Variants in ACTL7A observed in about 807,000 individuals in gnomAD.
ACTL7A encodes actin-like protein 7A.
ACTL7A carries 27 observed loss-of-function variants against 30.3 expected under a neutral mutation model. The observed-to-expected ratio is 0.89, with a 90% confidence interval of 0.66 to 1.23. ACTL7A has a LOEUF of 1.23. Among genes scored for constraint, ACTL7A ranks in the 50% most tolerant of loss-of-function variants. The probability of loss-of-function intolerance (pLI) is 0.00; values close to 1 mark genes in which losing one functional copy is unlikely to be tolerated. For missense variants in ACTL7A, 566 were observed against 571.8 expected, an observed-to-expected ratio of 0.99 and a Z score of 0.10; for synonymous variants, 259 against 241.4, an observed-to-expected ratio of 1.07 and a Z score of -0.67.
rs1827203400 is a variant in ACTL7A at position 108,863,615 on chromosome 9, C to T, written c.1293C>T (p.Tyr431=). The T allele has an allele frequency of 6.2e-7, 1 of 1,608,710 alleles. No individual in the cohort carries two copies. The highest frequency in any genetic ancestry group is 1.7e-5 in the Admixed American group (1 of 59,718). Residue 431 remains tyrosine (Y), a synonymous_variant, in exon 1 of 1, where the codon TAC becomes TAT. Transcript: ENST00000333999. ...AGGAACACGGGCCTTTCTTCCTCTA[C>T]AGAAGGTGCTTCTGAACAGCGACGA... ...EYEEHGPFFL[Y]RRCF
chr9:108,862,582 G>T lies in ACTL7A; in HGVS notation c.260G>T (p.Gly87Val). The T allele has an allele frequency of 6.2e-7, 1 of 1,614,146 alleles. No homozygotes were observed. Among genetic ancestry groups the T allele is most frequent in the Non-Finnish European group, 8.5e-7 (1 of 1,180,028 alleles). Residue 87 changes from glycine to valine, a missense_variant, in exon 1 of 1, where the codon GGC becomes GTC. Coordinates refer to ENST00000333999, the MANE Select transcript of ACTL7A (RefSeq NM_006687.4). ...GTGYCKCGFA[G>V]LPRPTHKIST... ...GGCTACTGTAAATGTGGCTTTGCCGGCCTGCCAAGACCCACCCACAAGATC... is the reference window on the plus strand; with the variant it reads ...GGCTACTGTAAATGTGGCTTTGCCGTCCTGCCAAGACCCACCCACAAGATC...
chr9:108,863,230 T>A lies in ACTL7A; in HGVS notation c.908T>A (p.Leu303Gln). The change falls in exon 1 of 1, where the codon CTG becomes CAG. Residue 303 changes from leucine (L) to glutamine (Q), a missense_variant. By Grantham distance (113) the Leu-to-Gln change is moderately radical. Transcript: ENST00000333999. Reference sequence around the variant, plus strand: ...AGTGAGCATACGATCCGCTACGTGCTGCCGGATGGGAAGGAGATTCAGCTG... The same window carrying A: ...AGTGAGCATACGATCCGCTACGTGCAGCCGGATGGGAAGGAGATTCAGCTG... ...PLSEHTIRYV[L>Q]PDGKEIQLCQ... is the part of the protein sequence containing the mutation. The A allele has an allele frequency of 6.2e-7, 1 of 1,614,166 alleles. No individual in the cohort carries two copies. Among genetic ancestry groups the A allele is most frequent in the South Asian group, 1.1e-5 (1 of 91,086 alleles).
In ACTL7A at chr9:108,863,649, A is replaced by G. The variant is rs1827204579; in HGVS notation, c.*19A>G. The G allele has an allele frequency of 2.5e-6, 4 of 1,583,966 alleles. No individual in the cohort carries two copies. The highest frequency in any genetic ancestry group is 3.4e-6 in the Non-Finnish European group (4 of 1,163,418). ...CTTCTGAACAGCGACGAGGATGGAC[A>G]CTGCACTGGCAGTGCCTACCCTCGA... On this transcript the variant is annotated 3_prime_UTR_variant, in exon 1 of 1. Transcript: ENST00000333999.
rs1299604083 is a variant in ACTL7A, at chr9:108,862,408, A to G, written c.86A>G (p.Gln29Arg). 1.9e-6 allele frequency: 3 copies of G among 1,613,998 alleles called. No individual in the cohort carries two copies. Among genetic ancestry groups the G allele is most frequent in the Non-Finnish European group, 2.5e-6 (3 of 1,180,050 alleles). Reference protein sequence around the residue: ...NQAPLQTQALQTASLRDGPAK... With the variant: ...NQAPLQTQALRTASLRDGPAK... The stretch of plus-strand genomic sequence containing the variant: ...GCCCCCCTGCAGACACAGGCCCTCC[A>G]GACTGCCTCTTTAAGGGATGGCCCG... The change falls in exon 1 of 1, where the codon CAG (glutamine) becomes CGG (arginine). Residue 29 changes from glutamine to arginine, a missense_variant. Coordinates refer to ENST00000333999, the MANE Select transcript of ACTL7A (RefSeq NM_006687.4).
At position 108,863,075 on chromosome 9, in the gene ACTL7A, C is replaced by G; in HGVS notation, c.753C>G (p.Ala251=). 6.2e-7 allele frequency: 1 copy of G among 1,614,144 alleles called. No individual in the cohort carries two copies. Among genetic ancestry groups the G allele is most frequent in the Non-Finnish European group, 8.5e-7 (1 of 1,180,022 alleles). ...ACTACGCGGGCTCTGACCTGACAGCCTACCTGCTGGGCCTGCTGAACAGTG... is the reference window on the plus strand; with the variant it reads ...ACTACGCGGGCTCTGACCTGACAGCGTACCTGCTGGGCCTGCTGAACAGTG... The part of the protein sequence containing the change: ...RLDYAGSDLT[A]YLLGLLNSAG... The change falls in exon 1 of 1, where the codon GCC becomes GCG. Residue 251 remains alanine, a synonymous_variant. Coordinates refer to ENST00000333999, the MANE Select transcript of ACTL7A (RefSeq NM_006687.4).
In ACTL7A at chr9:108,863,104, G is replaced by A; in HGVS notation, c.782G>A (p.Gly261Glu). The A allele has an allele frequency of 1.9e-6, 3 of 1,614,096 alleles. No homozygotes were observed. The highest frequency in any genetic ancestry group is 2.5e-6 in the Non-Finnish European group (3 of 1,180,014). The change falls in exon 1 of 1, where the codon GGG (glycine) becomes GAG (glutamate). Residue 261 changes from glycine to glutamate, a missense_variant. Physicochemically the swap from Gly to Glu is moderately conservative, Grantham distance 98 (BLOSUM62 -2). Coordinates refer to ENST00000333999, the MANE Select transcript of ACTL7A (RefSeq NM_006687.4). ...AYLLGLLNSA[G>E]NEFTQDQMGI... Reference sequence around the variant, plus strand: ...CTGCTGGGCCTGCTGAACAGTGCGGGGAACGAATTCACCCAGGACCAGATG... The same window carrying A: ...CTGCTGGGCCTGCTGAACAGTGCGGAGAACGAATTCACCCAGGACCAGATG...
In ACTL7A at chr9:108,863,281, A is replaced by G; in HGVS notation, c.959A>G (p.Glu320Gly). 1 of 1,614,032 alleles carries G rather than the reference A, an allele frequency of 6.2e-7. No homozygotes were observed. The highest frequency in any genetic ancestry group is 1.1e-5 in the South Asian group (1 of 91,078). The change falls in exon 1 of 1, where the codon GAG (glutamate) becomes GGG (glycine). Residue 320 changes from glutamate to glycine, a missense_variant. Physicochemically the swap from Glu to Gly is moderately conservative, Grantham distance 98. Transcript: ENST00000333999. ...QLCQERFLCS[E>G]MFFKPSLIKS... ...TGCCAGGAACGGTTCCTCTGCTCGG[A>G]GATGTTCTTCAAGCCATCTCTCATC...
At position 108,863,205 on chromosome 9, in the gene ACTL7A, A is replaced by G. The variant is rs181434981; in HGVS notation, c.883A>G (p.Ser295Gly). 4 of 1,614,122 alleles carry G rather than the reference A, an allele frequency of 2.5e-6. No homozygotes were observed. Among genetic ancestry groups the G allele is most frequent in the Non-Finnish European group, 3.4e-6 (4 of 1,180,026 alleles). The change falls in exon 1 of 1, where the codon AGT becomes GGT. Residue 295 changes from serine to glycine, a missense_variant. By Grantham distance (56) the Ser-to-Gly change is moderately conservative (BLOSUM62 0). Transcript: ENST00000333999. Reference sequence around the variant, plus strand: ...CATTGAGGAGAAGAAAGTCCCTCTCAGTGAGCATACGATCCGCTACGTGCT... The same window carrying G: ...CATTGAGGAGAAGAAAGTCCCTCTCGGTGAGCATACGATCCGCTACGTGCT... ...DPIEEKKVPL[S>G]EHTIRYVLPD...
rs76316936 is a variant in ACTL7A, at chr9:108,863,482, C to T, written c.1160C>T (p.Pro387Leu). ...ELSSMCPNDT[P>L]QVNVLPERDS... ...AGCAGCATGTGTCCCAATGACACCC[C>T]GCAGGTAAACGTGCTGCCTGAAAGA... is the stretch of plus-strand genomic sequence containing the variant. Residue 387 changes from proline to leucine, a missense_variant, in exon 1 of 1, where the codon CCG (proline) becomes CTG (leucine). Transcript: ENST00000333999. The T allele has an allele frequency of 1.1e-4, 177 of 1,614,192 alleles. 1 individual carries two copies. The African/African-American group carries it at 2.1e-3, about 19-fold the overall frequency.
Position 108,862,674 on chromosome 9 carries a change from G to A in ACTL7A, c.352G>A (p.Val118Met), listed in dbSNP as rs143697931. The A allele has an allele frequency of 1.4e-4, 233 of 1,614,208 alleles. No homozygotes were observed. The highest frequency in any genetic ancestry group is 3.3e-4 in the Admixed American group (20 of 60,028). Residue 118 changes from valine to methionine, a missense_variant, in exon 1 of 1, where the codon GTG becomes ATG. Coordinates refer to ENST00000333999, the MANE Select transcript of ACTL7A (RefSeq NM_006687.4). ...KTGDNRKETFVGQELNNTNVH... is the reference protein window; with the variant it reads ...KTGDNRKETFMGQELNNTNVH... ...TGGGGATAATCGCAAGGAGACATTC[G>A]TGGGGCAGGAACTCAACAACACAAA...
Position 108,863,406 on chromosome 9 carries a change from G to A in ACTL7A, c.1084G>A (p.Gly362Arg), listed in dbSNP as rs779515458. Residue 362 changes from glycine to arginine, a missense_variant, in exon 1 of 1, where the codon GGG (glycine) becomes AGG (arginine). By Grantham distance (125) the Gly-to-Arg change is moderately radical. Coordinates refer to ENST00000333999, the MANE Select transcript of ACTL7A (RefSeq NM_006687.4). ...CCTCATGGGGAACATCCTGCTCTGC[G>A]GGGGCAGCACGATGCTCAGTGGCTT... Reference protein sequence around the residue: ...RDLMGNILLCGGSTMLSGFPN... With the variant: ...RDLMGNILLCRGSTMLSGFPN... 1.7e-5 allele frequency: 27 copies of A among 1,613,982 alleles called. No individual in the cohort carries two copies. Among genetic ancestry groups the A allele is most frequent in the Admixed American group, 3.3e-5 (2 of 60,006 alleles).
rs779544015 is a variant in ACTL7A at position 108,863,313 on chromosome 9, A to G, written c.991A>G (p.Met331Val). ...MFFKPSLIKS[M>V]QLGLHTQTVS... ...CTTCAAGCCATCTCTCATCAAGTCC[A>G]TGCAGCTGGGCCTCCACACCCAAAC... Residue 331 changes from methionine to valine, a missense_variant, in exon 1 of 1, where the codon ATG becomes GTG. By Grantham distance (21) the Met-to-Val change is conservative. Transcript: ENST00000333999. The G allele has an allele frequency of 1.1e-5, 18 of 1,614,130 alleles. No individual in the cohort carries two copies. In the South Asian group the frequency reaches 1.8e-4, roughly 16 times the overall value.
rs1220060071 is a variant in ACTL7A, at chr9:108,863,136, G to A, written c.814G>A (p.Val272Met). The A allele has an allele frequency of 2.5e-6, 4 of 1,614,052 alleles. No homozygotes were observed. The highest frequency in any genetic ancestry group is 1.3e-5 in the African/African-American group (1 of 74,910). Residue 272 changes from valine (V) to methionine (M), a missense_variant, in exon 1 of 1, where the codon GTG (valine) becomes ATG (methionine). Val to Met is a conservative substitution (Grantham distance 21, BLOSUM62 1). Transcript: ENST00000333999. ...ATTCACCCAGGACCAGATGGGCATC[G>A]TGGAGGACATCAAGAAGAAATGCTG... ...NEFTQDQMGI[V>M]EDIKKKCCFV... is the part of the protein sequence containing the mutation.
rs147436702 is a variant in ACTL7A, at chr9:108,862,807, C to A, written c.485C>A (p.Pro162Gln). Residue 162 changes from proline to glutamine, a missense_variant, in exon 1 of 1, where the codon CCG becomes CAG. Physicochemically the swap from Pro to Gln is moderately conservative, Grantham distance 76. Transcript: ENST00000333999. ...TTCCGACAAGAGATGAAGATCGCCC[C>A]GGAGGAGCATGCGGTCTTGGTTTCA... ...YLFRQEMKIA[P>Q]EEHAVLVSDP... 11 of 1,613,958 alleles carry A rather than the reference C, an allele frequency of 6.8e-6. No individual in the cohort carries two copies. Among genetic ancestry groups the A allele is most frequent in the Non-Finnish European group, 9.3e-6 (11 of 1,179,996 alleles).
rs377067877 is a variant in ACTL7A at position 108,862,501 on chromosome 9, C to T, written c.179C>T (p.Ala60Val). Residue 60 changes from alanine (A) to valine (V), a missense_variant, in exon 1 of 1, where the codon GCC becomes GTC. By Grantham distance (64) the Ala-to-Val change is moderately conservative (BLOSUM62 0). Coordinates refer to ENST00000333999, the MANE Select transcript of ACTL7A (RefSeq NM_006687.4). ...EPQEPTESKA[A>V]KERPKQEVTK... ...CAAGAACCTACTGAATCAAAGGCAGCCAAGGAGAGGCCCAAGCAGGAGGTG... is the reference window on the plus strand; with the variant it reads ...CAAGAACCTACTGAATCAAAGGCAGTCAAGGAGAGGCCCAAGCAGGAGGTG... 2.5e-6 allele frequency: 4 copies of T among 1,614,118 alleles called. No homozygotes were observed. The highest frequency in any genetic ancestry group is 1.3e-5 in the African/African-American group (1 of 75,030).
chr9:108,863,009 C>T lies in ACTL7A; in HGVS notation c.687C>T (p.Ile229=), dbSNP rs1413145240. The T allele has an allele frequency of 1.2e-6, 2 of 1,612,824 alleles. No individual in the cohort carries two copies. Among genetic ancestry groups the T allele is most frequent in the Admixed American group, 3.3e-5 (2 of 59,978 alleles). The change falls in exon 1 of 1, where the codon ATC becomes ATT. Residue 229 remains isoleucine (I), a synonymous_variant. Transcript: ENST00000333999. ...ATGGCGTGTCCTACGTGGTCCCCAT[C>T]TACGAGGGTTATCCTTTGCCCAGCA... ...VGHGVSYVVP[I]YEGYPLPSIT...
rs1827185097 is a variant in ACTL7A, at chr9:108,862,807, CG to C, written c.487del (p.Glu163ArgfsTer12). The C allele has an allele frequency of 6.2e-7, 1 of 1,613,840 alleles. No homozygotes were observed. Among genetic ancestry groups the C allele is most frequent in the Admixed American group, 1.7e-5 (1 of 59,994 alleles). ...TTCCGACAAGAGATGAAGATCGCCCCGGAGGAGCATGCGGTCTTGGTTTCAG... is the reference window on the plus strand; with the variant it reads ...TTCCGACAAGAGATGAAGATCGCCCCGAGGAGCATGCGGTCTTGGTTTCAG... ...YLFRQEMKIA[P>X]EEHAVLVSDP... is the part of the protein sequence containing the mutation. On this transcript the variant is annotated frameshift_variant, in exon 1 of 1. Coordinates refer to ENST00000333999, the MANE Select transcript of ACTL7A (RefSeq NM_006687.4). LOFTEE classifies it high-confidence loss of function.
rs775908736 is a variant in ACTL7A, at chr9:108,862,699, A to G, written c.377A>G (p.Asn126Ser). The change falls in exon 1 of 1, where the codon AAC becomes AGC. Residue 126 changes from asparagine to serine, a missense_variant. Physicochemically the swap from Asn to Ser is conservative, Grantham distance 46. Transcript: ENST00000333999. ...GTGGGGCAGGAACTCAACAACACAA[A>G]CGTTCATCTCAAGCTGGTTAACCCT... ...TFVGQELNNT[N>S]VHLKLVNPLR... is the part of the protein sequence containing the mutation. The G allele has an allele frequency of 3.1e-6, 5 of 1,614,110 alleles. No homozygotes were observed. The Admixed American group carries it at 8.3e-5, about 27-fold the overall frequency.
At position 108,863,167 on chromosome 9, in the gene ACTL7A, T is replaced by C. The variant is rs146843085; in HGVS notation, c.845T>C (p.Val282Ala). The change falls in exon 1 of 1, where the codon GTG (valine) becomes GCG (alanine). Residue 282 changes from valine to alanine, a missense_variant. Coordinates refer to ENST00000333999, the MANE Select transcript of ACTL7A (RefSeq NM_006687.4). ...GACATCAAGAAGAAATGCTGCTTTG[T>C]GGCCCTGGATCCCATTGAGGAGAAG... is the stretch of plus-strand genomic sequence containing the variant. ...VEDIKKKCCF[V>A]ALDPIEEKKV... 6 of 1,614,018 alleles carry C rather than the reference T, an allele frequency of 3.7e-6. No individual in the cohort carries two copies. Among genetic ancestry groups the C allele is most frequent in the Non-Finnish European group, 5.1e-6 (6 of 1,180,034 alleles).
Sources: gnomAD v4.1 joint callset for allele counts on GRCh38, gnomAD v4.1.1 for gene constraint, MANE v1.5 for transcripts, NCBI Gene and HGNC (gene_info 2026-07-23, HGNC 2026-07-21) for gene names.